The following TMEM117 variants were observed in gnomAD, a reference collection of about 807,000 sequenced individuals.
TMEM117 encodes the protein transmembrane protein 117.
A neutral mutation model predicts 52.4 loss-of-function variants in TMEM117; 27 were observed. The ratio of observed to expected loss-of-function variants is 0.51; its 90% CI spans 0.38 to 0.71. The LOEUF is 0.71. Among genes scored for constraint, TMEM117 ranks in the 30% least tolerant of loss-of-function variants. TMEM117 has a pLI of 0.00. For synonymous variants in TMEM117, 215 were observed against 206.3 expected (o/e 1.04, Z -0.36); for missense variants, 556 against 630.5 (o/e 0.88, Z 1.26).
intron 6 of TMEM117, among the ~76,000 whole-genome samples, chr12:44,341,170 GA>G (rs200613668): frequency 1.3e-4 from 20 of 149,986 alleles, no homozygotes; most frequent in Non-Finnish European, 1.8e-4. Context: ...CAGCTAATTA[GA>G]AAAAAAAAAT....
chr12:43,902,191 G>A (rs945596681), intron 2 of TMEM117, among the ~76,000 whole-genome samples: 1 of 152,236 alleles, frequency 6.6e-6, no homozygotes, highest in Admixed American at 6.5e-5. Context: ...AACTAGACAT[G>A]TCCTTGAGTG....
intron 3 of TMEM117, among the ~76,000 whole-genome samples, chr12:43,960,477 A>G (rs1213604449): frequency 6.6e-6 from 1 of 152,226 alleles, no homozygotes; most frequent in Non-Finnish European, 1.5e-5. Flanking sequence ...AGCACAGCAT[A>G]TCCAAATTAT....
At chr12:43,871,723 A>T (rs1321759430) in intron 2 of TMEM117, among the ~76,000 whole-genome samples, 1 of 152,208 alleles carries the variant, frequency 6.6e-6, no homozygotes, top group Non-Finnish European at 1.5e-5. Flanking sequence ...TTGTTAAGAG[A>T]TGTATGCTAA....
At chr12:44,338,802 A>C (rs770089282) in intron 6 of TMEM117, among the ~76,000 whole-genome samples, 16 of 152,128 alleles carry the variant, frequency 1.1e-4, no homozygotes, top group Non-Finnish European at 2.2e-4. Context: ...ATAATGTTTT[A>C]TCATTAGAGT....
Position 44,388,332 on chromosome 12 carries a change from T to A in TMEM117, c.1205T>A (p.Ile402Lys). The change falls in exon 8 of 8, where the codon ATA becomes AAA. Residue 402 changes from isoleucine (I) to lysine (K), a missense_variant. Physicochemically the swap from Ile to Lys is moderately radical, Grantham distance 102. Coordinates refer to ENST00000266534, the MANE Select transcript of TMEM117 (RefSeq NM_032256.3). ...VKCLAFVPSL[I>K]AFVWFGFFIW... Reference sequence around the variant, plus strand: ...TGTCTGGCCTTTGTTCCAAGCCTGATAGCCTTTGTGTGGTTTGGATTCTTT... The same window carrying A: ...TGTCTGGCCTTTGTTCCAAGCCTGAAAGCCTTTGTGTGGTTTGGATTCTTT... The A allele has an allele frequency of 1.2e-6, 2 of 1,613,624 alleles. No homozygotes were observed. Among genetic ancestry groups the A allele is most frequent in the Non-Finnish European group, 1.7e-6 (2 of 1,179,670 alleles).
chr12:44,040,841 A>T (rs1946785702), intron 3 of TMEM117, among the ~76,000 whole-genome samples: 1 of 152,206 alleles, frequency 6.6e-6, no homozygotes, highest in African/African-American at 2.4e-5. Flanking sequence ...TGGGTGTCAG[A>T]TTTCATAGCA....
chr12:43,846,721 GTAA>G (rs1440529850), intron 2 of TMEM117, among the ~76,000 whole-genome samples: 2 of 152,186 alleles, frequency 1.3e-5, no homozygotes, highest in African/African-American at 4.8e-5. Context: ...GGAAGAGAAT[GTAA>G]TAATAGAGCT....
the TMEM117 span, among the ~76,000 whole-genome samples, chr12:43,829,614 AT>A: frequency 1.3e-5 from 2 of 152,188 alleles, no homozygotes; most frequent in Non-Finnish European, 2.9e-5. Context: ...GAAAAAGATC[AT>A]TTGTTTTTGA....
chr12:44,367,970 C>T (rs1951812584), intron 6 of TMEM117, among the ~76,000 whole-genome samples: 1 of 151,940 alleles, frequency 6.6e-6, no homozygotes, highest in East Asian at 1.9e-4. Context: ...AGATTTTTAC[C>T]CCTCCTACAG....
intron 3 of TMEM117, among the ~76,000 whole-genome samples, chr12:43,979,948 C>T (rs939114489): frequency 1.3e-5 from 2 of 152,120 alleles, no homozygotes; most frequent in Non-Finnish European, 2.9e-5. Context: ...AATGGGCTAG[C>T]GGCTCCATTT....
At chr12:44,313,996 C>G (rs1565704678) in intron 6 of TMEM117, among the ~76,000 whole-genome samples, 2 of 152,066 alleles carry the variant, frequency 1.3e-5, no homozygotes, top group Admixed American at 6.6e-5. Flanking sequence ...GGTCTAGGAG[C>G]CTTTGGCAGA....
intron 3 of TMEM117, among the ~76,000 whole-genome samples, chr12:44,046,387 C>T (rs1946881336): frequency 1.3e-5 from 2 of 152,184 alleles, no homozygotes; most frequent in Admixed American, 6.5e-5. Context: ...TGAAATCAGT[C>T]TACCACTCCA....
rs192253329 is a variant in TMEM117 at position 44,094,222 on chromosome 12, A to T, written c.411-49303A>T. Among the ~76,000 whole-genome samples, 193 of 152,288 alleles carry T rather than the reference A, an allele frequency of 1.3e-3. 1 individual carries two copies. Among genetic ancestry groups the T allele is most frequent in the African/African-American group, 4.2e-3 (173 of 41,582 alleles). On this transcript the variant is annotated intron_variant, in intron 3 of 7. Coordinates refer to ENST00000266534, the MANE Select transcript of TMEM117 (RefSeq NM_032256.3). ...GAACCATTCACTATGCATTAGCTCCAATGACAGAATATAGATCATAGTAAG... is the reference window on the plus strand; with the variant it reads ...GAACCATTCACTATGCATTAGCTCCTATGACAGAATATAGATCATAGTAAG...
At chr12:44,166,444 G>A (rs1948968466) in intron 4 of TMEM117, among the ~76,000 whole-genome samples, 1 of 152,072 alleles carries the variant, frequency 6.6e-6, no homozygotes, top group African/African-American at 2.4e-5. Flanking sequence ...AAGAAATGAA[G>A]TTTCACATTG....
At chr12:43,940,813 G>A (rs71455467) in intron 2 of TMEM117, among the ~76,000 whole-genome samples, 4,967 of 152,136 alleles carry the variant, frequency 0.033, 122 homozygotes, top group Non-Finnish European at 0.048. Flanking sequence ...CAAAGTGCTG[G>A]GATTACAGGC....
chr12:44,143,001 A>G (rs1412537889), intron 3 of TMEM117, among the ~76,000 whole-genome samples: 4 of 152,208 alleles, frequency 2.6e-5, no homozygotes, highest in African/African-American at 9.7e-5. Context: ...ACATATTTGG[A>G]TCAAATTTCA....
In TMEM117 at chr12:44,281,924, G is replaced by A. The variant is rs190596248; in HGVS notation, c.609-17656G>A. Reference sequence around the variant, plus strand: ...TGTGTATTTCTGTTATGATTTGGCTGTGTCCCCACCCAAATGTCAACTTGA... The same window carrying A: ...TGTGTATTTCTGTTATGATTTGGCTATGTCCCCACCCAAATGTCAACTTGA... On this transcript the variant is annotated intron_variant, in intron 5 of 7. Transcript: ENST00000266534. 7.7e-3 allele frequency among the ~76,000 whole-genome samples: 1,172 copies of A among 152,242 alleles called. 9 individuals carry two copies. Among genetic ancestry groups the A allele is most frequent in the African/African-American group, 0.027 (1,125 of 41,514 alleles).
rs1324418664 is a variant in TMEM117, at chr12:44,058,408, T to C, written c.411-85117T>C. 1.3e-5 allele frequency among the ~76,000 whole-genome samples: 2 copies of C among 152,212 alleles called. 1 individual carries two copies. Among genetic ancestry groups the C allele is most frequent in the East Asian group, 3.8e-4 (2 of 5,200 alleles). On this transcript the variant is annotated intron_variant, in intron 3 of 7. Transcript: ENST00000266534. Reference sequence around the variant, plus strand: ...GAAGGGATTGGTAGGTGATATTACCTGGATCAATTTTTCTATGCTGTGAAT... The same window carrying C: ...GAAGGGATTGGTAGGTGATATTACCCGGATCAATTTTTCTATGCTGTGAAT...
At chr12:43,902,519 T>C (rs1303438698) in intron 2 of TMEM117, among the ~76,000 whole-genome samples, 1 of 152,224 alleles carries the variant, frequency 6.6e-6, no homozygotes, top group Non-Finnish European at 1.5e-5. Flanking sequence ...CTCGTGAGGA[T>C]GCTGTTGGTC....
Sources: allele counts gnomAD v4.1 joint callset (sites outside exome capture counted in the v4.1 genomes callset), GRCh38; gene constraint gnomAD v4.1.1; transcripts MANE v1.5; gene names NCBI Gene and HGNC (gene_info 2026-07-23, HGNC 2026-07-21).